The following RAD54L2 variants were observed in gnomAD, a reference collection of about 807,000 sequenced individuals.
RAD54L2 encodes the protein helicase ARIP4.
A neutral mutation model predicts 138.4 loss-of-function variants in RAD54L2; 27 were observed. The observed-to-expected ratio is 0.20, with a 90% CI of 0.14 to 0.27. RAD54L2 has a LOEUF of 0.27. RAD54L2 is among the 10% of genes least tolerant of loss of function. The probability of loss-of-function intolerance (pLI) is 1.00; values close to 1 mark genes in which losing one functional copy is unlikely to be tolerated. For synonymous variants in RAD54L2, 644 were observed against 723.2 expected (o/e 0.89, Z 1.76); for missense variants, 1,396 against 1,890.2 (o/e 0.74, Z 4.85).
At chr3:51,643,585 T>C (rs767457946) in intron 15 of RAD54L2, among the ~76,000 whole-genome samples, 4 of 152,220 alleles carry the variant, frequency 2.6e-5, no homozygotes, top group Non-Finnish European at 2.9e-5. Context: ...CCTAGGTGAT[T>C]ACTATACATT....
intron 6 of RAD54L2, 31 bp downstream of exon 6, chr3:51,630,419 C>T (rs532931706): frequency 1.9e-6 from 3 of 1,569,394 alleles, no homozygotes; most frequent in African/African-American, 1.4e-5. Flanking sequence ...TCCCTTTCTT[C>T]CGACCTGGTG....
At chr3:51,592,187 C>T (rs1439281946) in intron 3 of RAD54L2, among the ~76,000 whole-genome samples, 2 of 148,862 alleles carry the variant, frequency 1.3e-5, no homozygotes. Flanking sequence ...CCTCAGCCTC[C>T]TGAGTAGCTG....
In RAD54L2 at chr3:51,637,162, G is replaced by A; in HGVS notation, c.1341G>A (p.Glu447=). ...CTCCGGATCCTCTTCCCTCCCTAGAGTTTGAGAAGGCTTTATGCCGCCCTG... is the reference window on the plus strand; with the variant it reads ...CTCCGGATCCTCTTCCCTCCCTAGAATTTGAGAAGGCTTTATGCCGCCCTG... ...EEDRQQEFRR[E]FEKALCRPGP... is the part of the protein sequence containing the mutation. The change falls in exon 11 of 23, where the codon GAG becomes GAA. Residue 447 remains glutamate (E), a splice_region_variant and synonymous_variant. Coordinates refer to ENST00000684192, the MANE Select transcript of RAD54L2 (RefSeq NM_015106.4). This position sits in a 1 kb window ranked among gnomAD's most constrained non-coding sequence, Gnocchi z 5.9. 4.4e-6 allele frequency: 7 copies of A among 1,577,172 alleles called. No homozygotes were observed. Among genetic ancestry groups the A allele is most frequent in the Non-Finnish European group, 6.0e-6 (7 of 1,161,116 alleles).
intron 3 of RAD54L2, among the ~76,000 whole-genome samples, chr3:51,612,357 GA>G (rs1270803105): frequency 6.6e-6 from 1 of 152,202 alleles, no homozygotes; most frequent in Non-Finnish European, 1.5e-5. Flanking sequence ...AGCTACTTGG[GA>G]AGCTGAGGCA....
At chr3:51,554,425 G>A (rs891073190) in intron 2 of RAD54L2, among the ~76,000 whole-genome samples, 10 of 151,464 alleles carry the variant, frequency 6.6e-5, no homozygotes, top group Non-Finnish European at 1.3e-4. Flanking sequence ...AGCTATTCGG[G>A]ATGCAGGAGA....
intron 3 of RAD54L2, among the ~76,000 whole-genome samples, chr3:51,621,061 A>G (rs1700559781): frequency 6.6e-6 from 1 of 152,190 alleles, no homozygotes; most frequent in African/African-American, 2.4e-5. Context: ...ACTGAAGGAA[A>G]TTTAATTATA....
At chr3:51,540,650 CAAGTG>C (rs1553671143) in intron 1 of RAD54L2, among the ~76,000 whole-genome samples, 6 of 144,052 alleles carry the variant, frequency 4.2e-5, no homozygotes, top group African/African-American at 1.8e-4. Flanking sequence ...TATAAACTTT[CAAGTG>C]CAATGTTAGG....
At chr3:51,549,928 G>C (rs1321216758) in intron 2 of RAD54L2, among the ~76,000 whole-genome samples, 1 of 152,000 alleles carries the variant, frequency 6.6e-6, no homozygotes. Flanking sequence ...CTACTAGCTT[G>C]GCTCTGGTTG....
chr3:51,597,800 C>G (rs1314183206), intron 3 of RAD54L2, among the ~76,000 whole-genome samples: 1 of 151,926 alleles, frequency 6.6e-6, no homozygotes, highest in East Asian at 1.9e-4. Context: ...TGCACTCCAG[C>G]CTGGGTGACA....
chr3:51,603,634 A>C (rs1700121942), intron 3 of RAD54L2, among the ~76,000 whole-genome samples: 1 of 151,976 alleles, frequency 6.6e-6, no homozygotes, highest in Admixed American at 6.6e-5. Flanking sequence ...AATAATAGGG[A>C]ATCTCCAAGC....
At chr3:51,639,764 G>A (rs1701080298) in intron 13 of RAD54L2, 94 bp downstream of exon 13, 2 of 1,538,704 alleles carry the variant, frequency 1.3e-6, no homozygotes, top group South Asian at 1.2e-5. Flanking sequence ...GCATGGCTAG[G>A]GTCTCTGTAT....
chr3:51,571,075 C>G (rs1181850146), intron 2 of RAD54L2, among the ~76,000 whole-genome samples: 1 of 152,184 alleles, frequency 6.6e-6, no homozygotes, highest in Non-Finnish European at 1.5e-5. Flanking sequence ...CCCGCCTCAG[C>G]CTCCCGAAGT....
Position 51,663,033 on chromosome 3 carries a change from G to A in RAD54L2, c.4017G>A (p.Val1339=), listed in dbSNP as rs1293088282. 6.2e-7 allele frequency: 1 copy of A among 1,613,980 alleles called. No homozygotes were observed. Among genetic ancestry groups the A allele is most frequent in the East Asian group, 2.2e-5 (1 of 44,872 alleles). ...LSNLLADARL[V]FPVTTDPLVP... ...ATTTGCTGGCAGATGCCCGCCTGGT[G>A]TTTCCAGTGACTACTGACCCTCTGG... Residue 1339 remains valine, a synonymous_variant, in exon 23 of 23, where the codon GTG becomes GTA. Coordinates refer to ENST00000684192, the MANE Select transcript of RAD54L2 (RefSeq NM_015106.4).
At chr3:51,613,790 G>A (rs948483635) in intron 3 of RAD54L2, among the ~76,000 whole-genome samples, 10 of 150,992 alleles carry the variant, frequency 6.6e-5, no homozygotes, top group South Asian at 2.1e-4. Flanking sequence ...AAAAAGGTAC[G>A]TAGTTGTGTT....
chr3:51,662,816 C>T lies in RAD54L2; in HGVS notation c.3800C>T (p.Ser1267Leu), dbSNP rs1701816034. ...KLATPPAAQESSRRRSRKGHL... is the reference protein window; with the variant it reads ...KLATPPAAQELSRRRSRKGHL... Reference sequence around the variant, plus strand: ...GCCACACCACCTGCTGCCCAGGAGTCATCCCGCCGGCGGTCCAGGAAGGGT... The same window carrying T: ...GCCACACCACCTGCTGCCCAGGAGTTATCCCGCCGGCGGTCCAGGAAGGGT... The change falls in exon 23 of 23, where the codon TCA becomes TTA. Residue 1267 changes from serine (S) to leucine (L), a missense_variant. This residue lies in a region of RAD54L2 where 634 missense variants were observed against 711.2 expected (regional missense o/e 0.89). Transcript: ENST00000684192. The surrounding 1 kb of genome is among the most constrained non-coding windows in gnomAD (Gnocchi z 4.6). 1.2e-6 allele frequency: 2 copies of T among 1,611,556 alleles called. No homozygotes were observed. Among genetic ancestry groups the T allele is most frequent in the African/African-American group, 1.3e-5 (1 of 75,002 alleles).
chr3:51,668,187 A>C lies in RAD54L2; in HGVS notation c.*4767A>C, dbSNP rs2106873736. 6.6e-6 allele frequency: 1 copy of C among 152,398 alleles called. No homozygotes were observed. Among genetic ancestry groups the C allele is most frequent in the Admixed American group, 6.5e-5 (1 of 15,296 alleles). 9.4% of individuals were successfully genotyped at this position (152,398 alleles called of 1,614,324 possible). A position where few individuals can be genotyped will look rare whatever the true frequency, so the allele number is the denominator to read the frequency against. On this transcript the variant is annotated 3_prime_UTR_variant, in exon 23 of 23. Coordinates refer to ENST00000684192, the MANE Select transcript of RAD54L2 (RefSeq NM_015106.4). ...CAGGGTGGGCTGGGGACTCACCAGA[A>C]GAATCCCCCCCAGCCTGCCCAAGAC... is the stretch of plus-strand genomic sequence containing the variant.
At chr3:51,640,276 G>A (rs1002872751) in intron 14 of RAD54L2, among the ~76,000 whole-genome samples, 1 of 152,124 alleles carries the variant, frequency 6.6e-6, no homozygotes, top group Admixed American at 6.6e-5. Flanking sequence ...ATTTTTAAAA[G>A]GTTATAAAAA....
At chr3:51,611,331 A>T (rs965324152) in intron 3 of RAD54L2, 1 of 151,482 alleles carries the variant, frequency 6.6e-6, no homozygotes, top group Non-Finnish European at 1.5e-5. Context: ...AGATGTTTTG[A>T]TACATGCATA....
chr3:51,562,816 AT>A (rs1377028402), intron 2 of RAD54L2, among the ~76,000 whole-genome samples: 3 of 151,770 alleles, frequency 2.0e-5, no homozygotes, highest in South Asian at 2.1e-4. Flanking sequence ...CCAGCTTGAT[AT>A]TTTGTAGAGA....
Sources: allele counts gnomAD v4.1 joint callset (sites outside exome capture counted in the v4.1 genomes callset), GRCh38; gene constraint gnomAD v4.1.1; regional missense constraint gnomAD v4.1.1; non-coding constraint Gnocchi (gnomAD v3.1); transcripts MANE v1.5; gene names NCBI Gene and HGNC (gene_info 2026-07-23, HGNC 2026-07-21).